PCSK2: variants seen among roughly 807,000 people sequenced by gnomAD.
PCSK2 encodes the protein proprotein convertase subtilisin/kexin type 2.
PCSK2 carries 14 observed loss-of-function variants against 69.7 expected under a neutral mutation model. The ratio of observed to expected loss-of-function variants is 0.20; its 90% CI spans 0.13 to 0.31. The LOEUF is 0.31. Among genes scored for constraint, PCSK2 ranks in the 10% least tolerant of loss-of-function variants. The pLI, the probability that PCSK2 is intolerant of heterozygous loss-of-function variation, is 1.00. For missense variants in PCSK2, 544 were observed against 842.5 expected, an observed-to-expected ratio of 0.65 and a Z score of 4.39; for synonymous variants, 307 against 320.7, an observed-to-expected ratio of 0.96 and a Z score of 0.46.
rs191944985 is a variant in PCSK2, at chr20:17,435,071, A to C, written c.710-1637A>C. On this transcript the variant is annotated intron_variant, in intron 7 of 11. Coordinates refer to ENST00000262545, the MANE Select transcript of PCSK2 (RefSeq NM_002594.5). ...TCTAGATAATCTTCCTCCAGGAGAA[A>C]GAATGCTAACTGATAACTGGGTGTT... is the stretch of plus-strand genomic sequence containing the variant. Among the ~76,000 whole-genome samples, 160 of 152,356 alleles carry C rather than the reference A, an allele frequency of 1.1e-3. 1 individual carries two copies. The highest frequency in any genetic ancestry group is 3.8e-3 in the African/African-American group (157 of 41,586).
At chr20:17,407,295 G>A (rs541581295) in intron 5 of PCSK2, among the ~76,000 whole-genome samples, 5 of 152,090 alleles carry the variant, frequency 3.3e-5, no homozygotes, top group African/African-American at 1.2e-4. Context: ...TCAGGGGCCC[G>A]CTGAGTGGCC....
In PCSK2 at chr20:17,482,479, C is replaced by T. The variant is rs1442068404; in HGVS notation, c.*409C>T. The T allele has an allele frequency of 6.5e-6, 1 of 153,132 alleles. No individual in the cohort carries two copies. The highest frequency in any genetic ancestry group is 6.6e-5 in the Admixed American group (1 of 15,242). 9.5% of individuals were successfully genotyped at this position (153,132 alleles called of 1,614,324 possible). ...CATGGTCTCAAACAAGGGGCTGTTA[C>T]ATAACAAGAAAATCAAAGCTGAGGA... On this transcript the variant is annotated 3_prime_UTR_variant, in exon 12 of 12. Coordinates refer to ENST00000262545, the MANE Select transcript of PCSK2 (RefSeq NM_002594.5).
chr20:17,238,912 C>T (rs1464584691), intron 1 of PCSK2, among the ~76,000 whole-genome samples: 2 of 152,104 alleles, frequency 1.3e-5, no homozygotes, highest in African/African-American at 4.8e-5. Context: ...ATTTAGTAAG[C>T]ACTCAATAAA....
At chr20:17,451,368 A>G (rs897679171) in intron 8 of PCSK2, among the ~76,000 whole-genome samples, 1 of 152,190 alleles carries the variant, frequency 6.6e-6, no homozygotes, top group Non-Finnish European at 1.5e-5. Flanking sequence ...GCACCAGGCT[A>G]GGCTAATCTC....
At chr20:17,374,802 A>G (rs2030876183) in intron 5 of PCSK2, among the ~76,000 whole-genome samples, 1 of 152,172 alleles carries the variant, frequency 6.6e-6, no homozygotes, top group Non-Finnish European at 1.5e-5. Flanking sequence ...CCAGGAGTAG[A>G]GATGAGGTGG....
chr20:17,323,421 A>C (rs1989938670), intron 2 of PCSK2, among the ~76,000 whole-genome samples: 1 of 152,146 alleles, frequency 6.6e-6, no homozygotes, highest in Non-Finnish European at 1.5e-5. Flanking sequence ...TGGGCAAATA[A>C]ATTTCTGTTA....
intron 2 of PCSK2, among the ~76,000 whole-genome samples, chr20:17,344,938 C>T (rs899033758): frequency 8.9e-5 from 6 of 67,168 alleles, no homozygotes; most frequent in Admixed American, 6.3e-4. Context: ...TTTCCATAAA[C>T]TCCTGTTCCT....
rs1407463219 is a variant in PCSK2, at chr20:17,453,679, C to T, written c.886-63C>T. On this transcript the variant is annotated intron_variant, in intron 8 of 11. Coordinates refer to ENST00000262545, the MANE Select transcript of PCSK2 (RefSeq NM_002594.5). The surrounding 1 kb of genome is among the most constrained non-coding windows in gnomAD (Gnocchi z 4.0). ...AGAAGCCCAACCCCTGGGCTGGAGA[C>T]CTCCCCTGCCCCCTCGCAGCCCAGG... 7.6e-5 allele frequency: 121 copies of T among 1,583,200 alleles called. No homozygotes were observed. Among genetic ancestry groups the T allele is most frequent in the Non-Finnish European group, 1.0e-4 (119 of 1,163,026 alleles).
chr20:17,455,479 A>T (rs950031520), intron 9 of PCSK2, among the ~76,000 whole-genome samples: 33 of 152,260 alleles, frequency 2.2e-4, no homozygotes, highest in African/African-American at 6.5e-4. Context: ...GGTTGTCTTG[A>T]CTCAACACAT....
At chr20:17,456,022 C>T (rs542887376) in intron 9 of PCSK2, among the ~76,000 whole-genome samples, 1 of 152,102 alleles carries the variant, frequency 6.6e-6, no homozygotes, top group Non-Finnish European at 1.5e-5. Context: ...GGTGGATCAC[C>T]TGAGGTCAGG....
intron 2 of PCSK2, among the ~76,000 whole-genome samples, chr20:17,263,530 T>C (rs989633940): frequency 5.9e-5 from 9 of 152,256 alleles, no homozygotes; most frequent in Admixed American, 5.2e-4. Flanking sequence ...TGATTACTAT[T>C]TTTTCTTCAG....
At chr20:17,229,674 C>T (rs753277988) in intron 1 of PCSK2, among the ~76,000 whole-genome samples, 2 of 151,934 alleles carry the variant, frequency 1.3e-5, no homozygotes, top group African/African-American at 2.4e-5. Context: ...AGGTAGTACC[C>T]CACAACCAAA....
At chr20:17,356,791 G>A (rs898349391) in intron 2 of PCSK2, among the ~76,000 whole-genome samples, 1 of 152,178 alleles carries the variant, frequency 6.6e-6, no homozygotes, top group Non-Finnish European at 1.5e-5. Flanking sequence ...AGAGCCTGGT[G>A]AGGGAACCTC....
At chr20:17,429,603 C>G in intron 7 of PCSK2, 80 bp downstream of exon 7, 1 of 918,648 alleles carries the variant, frequency 1.1e-6, no homozygotes, top group Non-Finnish European at 1.6e-6. Context: ...GCAAAAAATC[C>G]CACTGGTGCA....
At chr20:17,253,375 C>T (rs1047285420) in intron 1 of PCSK2, among the ~76,000 whole-genome samples, 2 of 152,108 alleles carry the variant, frequency 1.3e-5, no homozygotes, top group African/African-American at 4.8e-5. Flanking sequence ...TTTCTGTCCC[C>T]TCTCAGCCCC....
At chr20:17,250,216 C>T (rs1396827652) in intron 1 of PCSK2, among the ~76,000 whole-genome samples, 1 of 152,134 alleles carries the variant, frequency 6.6e-6, no homozygotes, top group Admixed American at 6.5e-5. Flanking sequence ...ACGATTCAAT[C>T]CAAAATATGA....
chr20:17,433,873 C>T (rs1487906560), intron 7 of PCSK2, among the ~76,000 whole-genome samples: 3 of 87,138 alleles, frequency 3.4e-5, no homozygotes, highest in Non-Finnish European at 6.8e-5. Context: ...TCTCTCTCTT[C>T]CTCCCCTCCT....
At chr20:17,448,083 C>CT (rs1231316906) in intron 8 of PCSK2, among the ~76,000 whole-genome samples, 1 of 152,076 alleles carries the variant, frequency 6.6e-6, no homozygotes, top group Non-Finnish European at 1.5e-5. Flanking sequence ...AATACAATAA[C>CT]TTTTTCCAAG....
At chr20:17,285,935 T>C (rs1988497600) in intron 2 of PCSK2, among the ~76,000 whole-genome samples, 1 of 152,250 alleles carries the variant, frequency 6.6e-6, no homozygotes, top group Non-Finnish European at 1.5e-5. Flanking sequence ...CCAGAGCTGC[T>C]GAGATGATCC....
Sources: gnomAD v4.1 joint callset for allele counts (sites outside exome capture counted in the v4.1 genomes callset) on GRCh38, gnomAD v4.1.1 for gene constraint, Gnocchi (gnomAD v3.1) non-coding constraint, MANE v1.5 for transcripts, NCBI Gene and HGNC (gene_info 2026-07-23, HGNC 2026-07-21) for gene names.